MZT2A: variants seen among roughly 807,000 people sequenced by gnomAD.
The protein encoded by MZT2A is mitotic-spindle organizing protein 2A.
A neutral mutation model predicts 12.4 loss-of-function variants in MZT2A; 8 were observed. The ratio of observed to expected loss-of-function variants is 0.64; its 90% CI spans 0.38 to 1.16. The LOEUF is 1.16. Among genes scored for constraint, MZT2A ranks in the 50% most tolerant of loss-of-function variants. MZT2A has a pLI of 0.01. For synonymous variants in MZT2A, 88 were observed against 107.5 expected (o/e 0.82, Z 1.12); for missense variants, 181 against 223.6 (o/e 0.81, Z 1.22).
At chr2:131,483,182 CTG>C (rs994169320), downstream of MZT2A, among the ~76,000 whole-genome samples, 4 of 152,176 alleles carry the variant, frequency 2.6e-5, no homozygotes, top group African/African-American at 4.8e-5. Context: ...TCAACTGAAT[CTG>C]TGATTTTTCG....
chr2:131,472,077 G>T (rs1004118153), exon 3 of MZT2A: 1 of 1,290,460 alleles, frequency 7.7e-7, no homozygotes, highest in South Asian at 1.2e-5. Context: ...CCTTGTGCAT[G>T]TCCTCCTTCT....
At chr2:131,474,459 G>A (rs1678587185) in intron 2 of MZT2A, among the ~76,000 whole-genome samples, 1 of 142,780 alleles carries the variant, frequency 7.0e-6, no homozygotes, top group African/African-American at 2.7e-5. Context: ...GCCCAGGCTG[G>A]AGTGCAATGG....
chr2:131,477,007 A>G (rs1262256716), intron 2 of MZT2A, among the ~76,000 whole-genome samples: 1 of 141,896 alleles, frequency 7.0e-6, no homozygotes, highest in Non-Finnish European at 1.5e-5. Context: ...GTGGTTTGTC[A>G]GTTATCCTTT....
chr2:131,488,390 G>A (rs547256947), intron 2 of MZT2A, among the ~76,000 whole-genome samples: 7 of 152,168 alleles, frequency 4.6e-5, no homozygotes, highest in South Asian at 4.2e-4. Flanking sequence ...CCCACAGGCC[G>A]TCTGCATGGC....
downstream of MZT2A, chr2:131,479,503 T>C (rs551668627): frequency 3.7e-6 from 6 of 1,602,258 alleles, no homozygotes; most frequent in Admixed American, 6.7e-5. Context: ...ATGGGAGGGG[T>C]AGTTCTTGGA....
intron 2 of MZT2A, among the ~76,000 whole-genome samples, chr2:131,488,370 G>T (rs1679139109): frequency 6.6e-6 from 1 of 152,152 alleles, no homozygotes; most frequent in Non-Finnish European, 1.5e-5. Context: ...TGAATCTGGT[G>T]GTGGTTGTTC....
At chr2:131,492,510 G>A (rs534992990), upstream of MZT2A, 1,510 of 1,117,590 alleles carry the variant, frequency 1.4e-3, 18 homozygotes, top group African/African-American at 0.022. Flanking sequence ...GCGGGGACGG[G>A]GCCGCCTCCT....
downstream of MZT2A, chr2:131,479,391 G>A (rs546664513): frequency 5.6e-6 from 9 of 1,614,128 alleles, no homozygotes; most frequent in South Asian, 7.7e-5. Context: ...CAATAATTAC[G>A]CCAGGGGCCA....
intron 2 of MZT2A, chr2:131,489,368 G>GTTT (rs60079614): frequency 2.2e-5 from 3 of 135,094 alleles, no homozygotes; most frequent in Non-Finnish European, 3.2e-5. Flanking sequence ...CACCTGGCTA[G>GTTT]TTTTTTTTTT....
chr2:131,470,431 A>G (rs1412771036), intron 3 of MZT2A: 34 of 1,114,198 alleles, frequency 3.1e-5, no homozygotes, highest in Non-Finnish European at 3.7e-5. Context: ...AAAGAGTTAC[A>G]AGTGACAGCC....
intron 2 of MZT2A, among the ~76,000 whole-genome samples, chr2:131,474,758 G>A (rs534430033): frequency 6.6e-6 from 1 of 152,044 alleles, no homozygotes; most frequent in African/African-American, 2.4e-5. Flanking sequence ...GGCTAGGCCA[G>A]CCAAGGTGGG....
chr2:131,474,503 G>A (rs1295425247), intron 2 of MZT2A, among the ~76,000 whole-genome samples: 8 of 143,800 alleles, frequency 5.6e-5, no homozygotes, highest in South Asian at 2.3e-4. Flanking sequence ...TCCGCCTCCC[G>A]GGTTCAAGTG....
At chr2:131,480,675 G>A (rs745718611), downstream of MZT2A, 9 of 1,613,750 alleles carry the variant, frequency 5.6e-6, no homozygotes, top group Middle Eastern at 1.6e-4. Flanking sequence ...CCCCAAAGAC[G>A]TCAACGCGGC....
chr2:131,482,903 T>G (rs769741762), downstream of MZT2A: 69 of 1,576,086 alleles, frequency 4.4e-5, no homozygotes, highest in Non-Finnish European at 5.6e-5. Context: ...GCTTCCAAGT[T>G]GTTTGCAATT....
intron 2 of MZT2A, 38 bp from the exon 3 acceptor site, chr2:131,484,256 C>T (rs534050877): frequency 3.3e-5 from 53 of 1,601,484 alleles, no homozygotes; most frequent in African/African-American, 9.4e-5. Flanking sequence ...GGAATGGACG[C>T]GCCCCATAAA....
At chr2:131,475,623 G>A (rs1161009201) in intron 2 of MZT2A, among the ~76,000 whole-genome samples, 2 of 152,114 alleles carry the variant, frequency 1.3e-5, no homozygotes, top group African/African-American at 2.4e-5. Context: ...TAGCCATCGC[G>A]CCCGGCCCGT....
chr2:131,471,166 C>T (rs1434482674), intron 3 of MZT2A, among the ~76,000 whole-genome samples: 1 of 139,494 alleles, frequency 7.2e-6, no homozygotes, highest in East Asian at 1.9e-4. Context: ...CCTCCCCAGG[C>T]CTCTCTGGGT....
chr2:131,489,914 CTGAG>C (rs1333653698), intron 2 of MZT2A: 2 of 976,808 alleles, frequency 2.0e-6, no homozygotes, highest in Middle Eastern at 5.2e-4. Context: ...ACCCAGAGCC[CTGAG>C]TGAGTGCTAA....
At chr2:131,489,997 C>A in intron 2 of MZT2A, 1 of 976,600 alleles carries the variant, frequency 1.0e-6, no homozygotes, top group Non-Finnish European at 1.2e-6. Flanking sequence ...TGGACACTTG[C>A]CCCTCAATTG....
Sources: gnomAD v4.1 joint callset for allele counts (sites outside exome capture counted in the v4.1 genomes callset) on GRCh38, gnomAD v4.1.1 for gene constraint, MANE v1.5 for transcripts, NCBI Gene and HGNC (gene_info 2026-07-23, HGNC 2026-07-21) for gene names.